Variants in CROCC2 observed in about 807,000 individuals in gnomAD.
The protein encoded by CROCC2 is ciliary rootlet coiled-coil, rootletin family member 2, also known as ciliary rootlet coiled-coil protein 2.
CROCC2 carries 163 observed loss-of-function variants against 177.6 expected under a neutral mutation model. The observed-to-expected ratio is 0.92, with a 90% CI of 0.81 to 1.05. CROCC2 has a LOEUF of 1.05. CROCC2 is among the 50% of genes least tolerant of loss of function. CROCC2 has a pLI of 0.00. For missense variants in CROCC2, 1,929 were observed against 1,797.8 expected (o/e 1.07, Z -1.32); for synonymous variants, 904 against 787.3 (o/e 1.15, Z -2.48).
At position 240,935,038 on chromosome 2, in the gene CROCC2, T is replaced by C; in HGVS notation, c.1914T>C (p.Ser638=). ...TGGAGGGGTTGGCTCAGGACAAAAG[T>C]GCCCTGAACCACCTGGCTCTCCAGG... ...ALMEGLAQDK[S]ALNHLALQLE... The change falls in exon 13 of 32, where the codon AGT becomes AGC. Residue 638 remains serine, a synonymous_variant. Transcript: ENST00000690015. 7.2e-7 allele frequency: 1 copy of C among 1,385,160 alleles called. No homozygotes were observed. Among genetic ancestry groups the C allele is most frequent in the Non-Finnish European group, 9.4e-7 (1 of 1,062,968 alleles). 85.8% of individuals were successfully genotyped at this position (1,385,160 alleles called of 1,614,324 possible).
intron 4 of CROCC2, among the ~76,000 whole-genome samples, chr2:240,922,987 G>A (rs1176130878): frequency 6.6e-6 from 1 of 152,060 alleles, no homozygotes; most frequent in Non-Finnish European, 1.5e-5. Flanking sequence ...AGGCACCACC[G>A]TCCCAGCCTC....
chr2:240,933,765 A>G lies in CROCC2; in HGVS notation c.1559A>G (p.Glu520Gly). ...EKQGLEAEAA[E>G]LQRSLLLQAE... ...CAGGGGCTGGAGGCCGAGGCTGCAG[A>G]GCTGCAGAGAAGCCTCCTGCTGCAG... The change falls in exon 11 of 32, where the codon GAG becomes GGG. Residue 520 changes from glutamate to glycine, a missense_variant. Coordinates refer to ENST00000690015, the MANE Select transcript of CROCC2 (RefSeq NM_001351305.2). 6.5e-7 allele frequency: 1 copy of G among 1,549,608 alleles called. No homozygotes were observed. Among genetic ancestry groups the G allele is most frequent in the Non-Finnish European group, 8.7e-7 (1 of 1,146,802 alleles).
At position 240,982,905 on chromosome 2, in the gene CROCC2, C is replaced by A. The variant is rs1269243377; in HGVS notation, c.4427C>A (p.Ala1476Asp). The A allele has an allele frequency of 6.5e-7, 1 of 1,549,928 alleles. No homozygotes were observed. The highest frequency in any genetic ancestry group is 1.4e-5 in the African/African-American group (1 of 73,040). ...LQEQLETLRQ[A>D]LEESRRHSQG... ...GAGCAACTGGAAACGCTGCGCCAGGCTCTTGAAGAGAGCAGGAGGCACAGC... is the reference window on the plus strand; with the variant it reads ...GAGCAACTGGAAACGCTGCGCCAGGATCTTGAAGAGAGCAGGAGGCACAGC... The change falls in exon 28 of 32, where the codon GCT becomes GAT. Residue 1476 changes from alanine (A) to aspartate (D), a missense_variant. By Grantham distance (126) the Ala-to-Asp change is moderately radical (BLOSUM62 -2). Around this residue, in one of 3 missense-constraint regions of CROCC2, gnomAD observed 388 missense variants for 352.7 expected, o/e 1.10. Coordinates refer to ENST00000690015, the MANE Select transcript of CROCC2 (RefSeq NM_001351305.2). The surrounding 1 kb of genome is among the most constrained non-coding windows in gnomAD (Gnocchi z 4.7).
chr2:240,967,517 C>T, intron 26 of CROCC2, 52 bp downstream of exon 26: 1 of 1,541,984 alleles, frequency 6.5e-7, no homozygotes, highest in Non-Finnish European at 8.8e-7. Context: ...GTGAGAGTGG[C>T]ACCACCATGT....
At chr2:240,946,513 A>G (rs2059525792) in intron 15 of CROCC2, among the ~76,000 whole-genome samples, 1 of 152,350 alleles carries the variant, frequency 6.6e-6, no homozygotes, top group South Asian at 2.1e-4. Context: ...AGCTCAGACC[A>G]GGGGAAGGCA....
At chr2:240,943,980 A>G (rs1339155190) in intron 14 of CROCC2, among the ~76,000 whole-genome samples, 1 of 152,184 alleles carries the variant, frequency 6.6e-6, no homozygotes, top group African/African-American at 2.4e-5. Context: ...TGTACGTTGT[A>G]TTGCTTTTCT....
At chr2:240,948,359 G>A (rs376643474) in intron 15 of CROCC2, among the ~76,000 whole-genome samples, 7 of 152,282 alleles carry the variant, frequency 4.6e-5, no homozygotes, top group East Asian at 3.9e-4. Context: ...GCCTGATCAG[G>A]AGCTGCCAGG....
At chr2:240,910,856 T>C (rs1387941516) in intron 1 of CROCC2, among the ~76,000 whole-genome samples, 2 of 152,120 alleles carry the variant, frequency 1.3e-5, no homozygotes, top group South Asian at 2.1e-4. Context: ...TCTGGCCGGG[T>C]GCAGTGACTC....
chr2:240,906,705 GCACTTTC>G, intron 1 of CROCC2, 114 bp downstream of exon 1: 1 of 397,902 alleles, frequency 2.5e-6, no homozygotes, highest in Non-Finnish European at 4.4e-6. Flanking sequence ...GGCTCCCGGG[GCACTTTC>G]CACTTGCTCA....
chr2:240,941,696 G>A (rs980961279), intron 14 of CROCC2, among the ~76,000 whole-genome samples: 1 of 152,150 alleles, frequency 6.6e-6, no homozygotes, highest in African/African-American at 2.4e-5. Flanking sequence ...GATATGCACA[G>A]TCTATATCCA....
chr2:240,988,673 G>A (rs1042962080), intron 28 of CROCC2, 66 bp from the exon 29 acceptor site: 13 of 1,296,070 alleles, frequency 1.0e-5, no homozygotes, highest in Non-Finnish European at 1.3e-5. Context: ...TGCTCCCAGA[G>A]GAGGGCTGGC....
chr2:240,966,891 G>T (rs2059687818), intron 25 of CROCC2, among the ~76,000 whole-genome samples: 1 of 151,944 alleles, frequency 6.6e-6, no homozygotes, highest in Non-Finnish European at 1.5e-5. Context: ...GAAAGACAGA[G>T]GCAGGCCCTG....
At chr2:240,986,476 G>A (rs1445473403) in intron 28 of CROCC2, among the ~76,000 whole-genome samples, 1 of 152,074 alleles carries the variant, frequency 6.6e-6, no homozygotes, top group Non-Finnish European at 1.5e-5. Context: ...CAGAGGTCAA[G>A]GTAACCTGTG....
chr2:240,962,003 T>C (rs563829800), intron 20 of CROCC2, among the ~76,000 whole-genome samples: 3 of 121,400 alleles, frequency 2.5e-5, no homozygotes, highest in East Asian at 5.0e-4. Flanking sequence ...ACACACACAC[T>C]CATCACCCAC....
At chr2:240,984,554 ACACACACCCAGGCAC>A (rs2059823249) in intron 28 of CROCC2, among the ~76,000 whole-genome samples, 1 of 109,032 alleles carries the variant, frequency 9.2e-6, no homozygotes, top group African/African-American at 4.0e-5. Context: ...CACTCACTCC[ACACACACCCAGGCAC>A]TCACTCCACA....
At position 240,934,983 on chromosome 2, in the gene CROCC2, G is replaced by C; in HGVS notation, c.1859G>C (p.Arg620Thr). ...CTGAAGTCGGAGGGAGTGGAGCAAA[G>C]GGACTCCCTGGCCGCAATGGCCGCC... ...RRLKSEGVEQRDSLAAMAALM... is the reference protein window; with the variant it reads ...RRLKSEGVEQTDSLAAMAALM... Residue 620 changes from arginine (R) to threonine (T), a missense_variant, in exon 13 of 32, where the codon AGG (arginine) becomes ACG (threonine). By Grantham distance (71) the Arg-to-Thr change is moderately conservative (BLOSUM62 -1). Coordinates refer to ENST00000690015, the MANE Select transcript of CROCC2 (RefSeq NM_001351305.2). 6.8e-7 allele frequency: 1 copy of C among 1,476,212 alleles called. No homozygotes were observed. Among genetic ancestry groups the C allele is most frequent in the Non-Finnish European group, 9.0e-7 (1 of 1,111,918 alleles). The allele number at this position is 1,476,212 out of a possible 1,614,324, so 91.4% of individuals were successfully genotyped here. A position where few individuals can be genotyped will look rare whatever the true frequency, so the allele number is the denominator to read the frequency against.
intron 1 of CROCC2, among the ~76,000 whole-genome samples, chr2:240,907,816 C>T (rs2059266513): frequency 7.7e-6 from 1 of 129,770 alleles, no homozygotes; most frequent in Non-Finnish European, 1.7e-5. Context: ...CCTCCTCCAC[C>T]TCGGGTGACC....
At chr2:240,920,741 A>G (rs2059352853) in intron 3 of CROCC2, among the ~76,000 whole-genome samples, 1 of 152,202 alleles carries the variant, frequency 6.6e-6, no homozygotes, top group East Asian at 1.9e-4. Context: ...CAAGAGGCAT[A>G]TTTAGTCACA....
At chr2:240,961,688 G>T (rs2059636853) in intron 20 of CROCC2, among the ~76,000 whole-genome samples, 1 of 135,234 alleles carries the variant, frequency 7.4e-6, no homozygotes, top group Non-Finnish European at 1.5e-5. Flanking sequence ...GCATGCACAG[G>T]CATACGGACG....
Sources: gnomAD v4.1 joint callset for allele counts (sites outside exome capture counted in the v4.1 genomes callset) on GRCh38, gnomAD v4.1.1 for gene constraint, gnomAD v4.1.1 regional missense constraint, Gnocchi (gnomAD v3.1) non-coding constraint, MANE v1.5 for transcripts, NCBI Gene and HGNC (gene_info 2026-07-23, HGNC 2026-07-21) for gene names.